The following NALF1 variants were observed in gnomAD, a reference collection of about 807,000 sequenced individuals.
The protein encoded by NALF1 is family with sequence similarity 155 member A.
A neutral mutation model predicts 48.4 loss-of-function variants in NALF1; 3 were observed. The ratio of observed to expected loss-of-function variants is 0.06; its 90% CI spans 0.03 to 0.16. The LOEUF (loss-of-function observed/expected upper bound fraction) is 0.16. Among genes scored for constraint, NALF1 ranks in the 10% least tolerant of loss-of-function variants. The pLI is 1.00. For synonymous variants in NALF1, 262 were observed against 245.7 expected, an observed-to-expected ratio of 1.07 and a Z score of -0.62; for missense variants, 526 against 571.5, an observed-to-expected ratio of 0.92 and a Z score of 0.81.
At chr13:107,345,948 G>A (rs1035767122) in intron 1 of NALF1, among the ~76,000 whole-genome samples, 4 of 152,006 alleles carry the variant, frequency 2.6e-5, no homozygotes, top group African/African-American at 9.7e-5. Flanking sequence ...TATAAATTAA[G>A]AATCTGAATA....
At chr13:107,532,289 T>C (rs1876663495) in intron 1 of NALF1, among the ~76,000 whole-genome samples, 1 of 152,108 alleles carries the variant, frequency 6.6e-6, no homozygotes, top group South Asian at 2.1e-4. Context: ...TAAAACATGC[T>C]TCTATCTAAT....
At chr13:107,684,265 C>T (rs550079732) in intron 1 of NALF1, among the ~76,000 whole-genome samples, 1 of 152,196 alleles carries the variant, frequency 6.6e-6, no homozygotes, top group East Asian at 1.9e-4. Flanking sequence ...TTATCCTTGA[C>T]CTTGCTAAGG....
chr13:107,214,909 G>A (rs1000212824), intron 1 of NALF1, among the ~76,000 whole-genome samples: 7 of 152,156 alleles, frequency 4.6e-5, no homozygotes, highest in African/African-American at 7.2e-5. Context: ...ATAAGGAAAC[G>A]TATACAGGGA....
At chr13:107,254,704 T>C (rs763615429) in intron 1 of NALF1, among the ~76,000 whole-genome samples, 1 of 152,218 alleles carries the variant, frequency 6.6e-6, no homozygotes, top group Non-Finnish European at 1.5e-5. Context: ...CTTCAGACGC[T>C]TGTCATCATG....
intron 1 of NALF1, among the ~76,000 whole-genome samples, chr13:107,705,042 C>T (rs146132669): frequency 1.3e-5 from 2 of 152,276 alleles, no homozygotes; most frequent in South Asian, 4.1e-4. Context: ...ACTTTAAATA[C>T]ATTCTCTCAT....
intron 1 of NALF1, among the ~76,000 whole-genome samples, chr13:107,836,378 T>G (rs1017365382): frequency 6.6e-6 from 1 of 152,190 alleles, no homozygotes; most frequent in Non-Finnish European, 1.5e-5. Context: ...ATAATTTTTG[T>G]GTTTGATACA....
chr13:107,269,769 T>G (rs1354114024), intron 1 of NALF1, among the ~76,000 whole-genome samples: 1 of 152,028 alleles, frequency 6.6e-6, no homozygotes, highest in Non-Finnish European at 1.5e-5. Context: ...ACTTGTGATG[T>G]TACAAGCAAT....
At chr13:107,172,325 A>G (rs1878824531) in intron 2 of NALF1, among the ~76,000 whole-genome samples, 3 of 152,196 alleles carry the variant, frequency 2.0e-5, no homozygotes, top group Admixed American at 2.0e-4. Flanking sequence ...TTATCTGTCA[A>G]TTTAAAAGCA....
intron 1 of NALF1, among the ~76,000 whole-genome samples, chr13:107,765,040 G>A (rs1237540083): frequency 1.3e-5 from 2 of 152,122 alleles, no homozygotes; most frequent in Admixed American, 1.3e-4. Context: ...AACAAGAGCT[G>A]CTCCTCACCC....
intron 1 of NALF1, among the ~76,000 whole-genome samples, chr13:107,842,544 T>C (rs545711856): frequency 3.3e-5 from 5 of 151,972 alleles, no homozygotes; most frequent in Non-Finnish European, 7.4e-5. Flanking sequence ...TTTTTTATTT[T>C]AGTGTCTCAA....
chr13:107,797,225 A>G (rs1281817436), intron 1 of NALF1, among the ~76,000 whole-genome samples: 1 of 151,882 alleles, frequency 6.6e-6, no homozygotes, highest in Non-Finnish European at 1.5e-5. Flanking sequence ...TTGTCTTTTG[A>G]GACGGAGTCT....
At chr13:107,208,807 C>A (rs1879695875) in intron 2 of NALF1, among the ~76,000 whole-genome samples, 2 of 152,130 alleles carry the variant, frequency 1.3e-5, no homozygotes, top group Admixed American at 1.3e-4. Flanking sequence ...AATTTTGTCT[C>A]AAACTCAAAG....
chr13:107,736,194 T>TACACAC (rs891269318), intron 1 of NALF1, among the ~76,000 whole-genome samples: 4 of 34,348 alleles, frequency 1.2e-4, no homozygotes, highest in African/African-American at 3.8e-4. Flanking sequence ...CACACACACA[T>TACACAC]ACACACACAC....
intron 1 of NALF1, among the ~76,000 whole-genome samples, chr13:107,714,578 G>T (rs755895444): frequency 7.1e-6 from 1 of 141,028 alleles, no homozygotes; most frequent in Non-Finnish European, 1.5e-5. Flanking sequence ...GCAGTGAGCC[G>T]AGATTGCACC....
At chr13:107,639,734 T>C (rs557919288) in intron 1 of NALF1, among the ~76,000 whole-genome samples, 1 of 152,264 alleles carries the variant, frequency 6.6e-6, no homozygotes, top group East Asian at 1.9e-4. Context: ...AACTCAGGCA[T>C]GATGCCATGC....
chr13:107,438,734 A>G (rs1884502564), intron 1 of NALF1, among the ~76,000 whole-genome samples: 1 of 146,912 alleles, frequency 6.8e-6, no homozygotes, highest in Non-Finnish European at 1.5e-5. Context: ...CTGAGGCTGG[A>G]GAATGGTGTG....
At chr13:107,758,683 T>C (rs1464920765) in intron 1 of NALF1, among the ~76,000 whole-genome samples, 1 of 151,946 alleles carries the variant, frequency 6.6e-6, no homozygotes, top group Non-Finnish European at 1.5e-5. Context: ...ATAGCGCCAC[T>C]GCACTCCAGG....
chr13:107,823,773 G>A (rs979890345), intron 1 of NALF1, among the ~76,000 whole-genome samples: 6 of 152,166 alleles, frequency 3.9e-5, no homozygotes, highest in South Asian at 2.1e-4. Flanking sequence ...GACAGCCTGA[G>A]TTTGAGTATT....
At chr13:107,556,166 T>C (rs1418223618) in intron 1 of NALF1, among the ~76,000 whole-genome samples, 1 of 151,780 alleles carries the variant, frequency 6.6e-6, no homozygotes, top group African/African-American at 2.4e-5. Flanking sequence ...AGATCTCTTA[T>C]GAAAGAGGGA....
Sources: gnomAD v4.1 joint callset for allele counts (sites outside exome capture counted in the v4.1 genomes callset) on GRCh38, gnomAD v4.1.1 for gene constraint, MANE v1.5 for transcripts, NCBI Gene and HGNC (gene_info 2026-07-23, HGNC 2026-07-21) for gene names.